The following SPN variants were observed in gnomAD, a reference collection of about 807,000 sequenced individuals.
SPN encodes the protein sialophorin.
SPN carries 6 observed loss-of-function variants against 8.4 expected under a neutral mutation model. That is an observed-to-expected ratio of 0.72 (90% CI 0.39 to 1.42). The LOEUF (loss-of-function observed/expected upper bound fraction) is 1.42. Ranked by LOEUF, SPN falls within the 40% of genes most tolerant of loss-of-function variation. The pLI is 0.02. For synonymous variants in SPN, 201 were observed against 222.6 expected (o/e 0.90, Z 0.86); for missense variants, 517 against 530.6 (o/e 0.97, Z 0.25).
Position 29,669,908 on chromosome 16 carries a change from G to T in SPN, c.*4977G>T, listed in dbSNP as rs893423447. The T allele has an allele frequency of 1.8e-5, 3 of 162,286 alleles. No individual in the cohort carries two copies. In the Admixed American group the frequency reaches 2.1e-4, roughly 11 times the overall value. 10.1% of individuals were successfully genotyped at this position (162,286 alleles called of 1,614,324 possible). A position where few individuals can be genotyped will look rare whatever the true frequency, so the allele number is the denominator to read the frequency against. ...AAAAAAGGAGATAGAGCAAGGAACA[G>T]TAAGAAAATAGTTGGGTGCAGTGGC... On this transcript the variant is annotated 3_prime_UTR_variant, in exon 2 of 2. Transcript: ENST00000652691.
chr16:29,664,531 T>TA lies in SPN; in HGVS notation c.804dup (p.Val269SerfsTer29). 6.2e-7 allele frequency: 1 copy of TA among 1,614,008 alleles called. No individual in the cohort carries two copies. The highest frequency in any genetic ancestry group is 1.3e-5 in the African/African-American group (1 of 75,064). On this transcript the variant is annotated frameshift_variant, in exon 2 of 2. Transcript: ENST00000652691. LOFTEE classifies it high-confidence loss of function. This position sits in a 1 kb window ranked among gnomAD's most constrained non-coding sequence, Gnocchi z 6.4. ...GTGCTTGTGGCCCTGCTGGCGGTCA[T>TA]AGTCCTCGTGGCTCTGCTCCTGCTG...
chr16:29,664,160 T>A lies in SPN; in HGVS notation c.432T>A (p.Ser144Arg), dbSNP rs1178662239. 6.2e-7 allele frequency: 1 copy of A among 1,613,896 alleles called. No individual in the cohort carries two copies. The highest frequency in any genetic ancestry group is 8.5e-7 in the Non-Finnish European group (1 of 1,179,964). Residue 144 changes from serine (S) to arginine (R), a missense_variant, in exon 2 of 2, where the codon AGT becomes AGA. Physicochemically the swap from Ser to Arg is moderately radical, Grantham distance 110 (BLOSUM62 -1). Transcript: ENST00000652691. The surrounding 1 kb of genome is among the most constrained non-coding windows in gnomAD (Gnocchi z 6.4). ...CAACGAACTCTCCAGAAACCTCCAG[T>A]AGGACCAGTGGAGCCCCTGTTACCA... ...TITTNSPETSSRTSGAPVTTA... is the reference protein window; with the variant it reads ...TITTNSPETSRRTSGAPVTTA...
chr16:29,666,524 T>TCACACACACACA lies in SPN; in HGVS notation c.*1611_*1622dup, dbSNP rs61534947. ...TGCGCTCTCTCTCTCTCTCTCTCTCTCACACACACACACACACACACACAC... is the reference window on the plus strand; with the variant it reads ...TGCGCTCTCTCTCTCTCTCTCTCTCTCACACACACACACACACACACACACACACACACACAC... On this transcript the variant is annotated 3_prime_UTR_variant, in exon 2 of 2. Transcript: ENST00000652691. 447 of 137,548 alleles carry TCACACACACACA rather than the reference T, an allele frequency of 3.2e-3. 5 individuals are homozygous for TCACACACACACA. The highest frequency in any genetic ancestry group is 0.013 in the African/African-American group (424 of 32,030). 8.5% of individuals were successfully genotyped at this position (137,548 alleles called of 1,614,324 possible). A position where few individuals can be genotyped will look rare whatever the true frequency, so the allele number is the denominator to read the frequency against.
Position 29,667,231 on chromosome 16 carries a change from C to T in SPN, c.*2300C>T. Reference sequence around the variant, plus strand: ...GAATGACAGAGGCCATGTCCAAAATCCCTTAGAGACACTGTTGTCTTAGAG... The same window carrying T: ...GAATGACAGAGGCCATGTCCAAAATTCCTTAGAGACACTGTTGTCTTAGAG... On this transcript the variant is annotated 3_prime_UTR_variant, in exon 2 of 2. Transcript: ENST00000652691. 2.8e-6 allele frequency: 1 copy of T among 351,240 alleles called. No homozygotes were observed. Among genetic ancestry groups the T allele is most frequent in the Non-Finnish European group, 6.0e-6 (1 of 167,562 alleles). 21.8% of individuals were successfully genotyped at this position (351,240 alleles called of 1,614,324 possible).
At position 29,663,754 on chromosome 16, in the gene SPN, G is replaced by A; in HGVS notation, c.26G>A (p.Gly9Glu). Residue 9 changes from glycine to glutamate, a missense_variant, in exon 2 of 2, where the codon GGG (glycine) becomes GAG (glutamate). Transcript: ENST00000652691. The surrounding 1 kb of genome is among the most constrained non-coding windows in gnomAD (Gnocchi z 4.3). ...ATGGCCACGCTTCTCCTTCTCCTTG[G>A]GGTGCTGGTGGTAAGCCCAGACGCT... MATLLLLL[G>E]VLVVSPDALG... The A allele has an allele frequency of 2.5e-6, 4 of 1,590,948 alleles. No homozygotes were observed. Among genetic ancestry groups the A allele is most frequent in the Non-Finnish European group, 3.4e-6 (4 of 1,169,722 alleles).
Position 29,664,789 on chromosome 16 carries a change from G to A in SPN, c.1061G>A (p.Gly354Asp), listed in dbSNP as rs750754867. The A allele has an allele frequency of 2.7e-5, 40 of 1,501,860 alleles. No individual in the cohort carries two copies. The highest frequency in any genetic ancestry group is 1.2e-4 in the East Asian group (5 of 43,102). The allele number at this position is 1,501,860 out of a possible 1,614,324, so 93.0% of individuals were successfully genotyped here. A position where few individuals can be genotyped will look rare whatever the true frequency, so the allele number is the denominator to read the frequency against. The change falls in exon 2 of 2, where the codon GGC (glycine) becomes GAC (aspartate). Residue 354 changes from glycine to aspartate, a missense_variant. Transcript: ENST00000652691. The surrounding 1 kb of genome is among the most constrained non-coding windows in gnomAD (Gnocchi z 6.4). ...TTTGGCAGACGGAAGTCTCGCCAGG[G>A]CTCCCTGGCGATGGAGGAGCTGAAG... is the stretch of plus-strand genomic sequence containing the variant. ...TFFGRRKSRQ[G>D]SLAMEELKSG... is the part of the protein sequence containing the mutation.
At position 29,666,825 on chromosome 16, in the gene SPN, GGCTACA is replaced by G; in HGVS notation, c.*1897_*1902del. On this transcript the variant is annotated 3_prime_UTR_variant, in exon 2 of 2. Coordinates refer to ENST00000652691, the MANE Select transcript of SPN (RefSeq NM_003123.6). The stretch of plus-strand genomic sequence containing the variant: ...TGGTGCTGCCTTTGAGACCAGCCCA[GGCTACA>G]GCCCAGGAGCACACATGGGCCAGGG... 1 of 456,822 alleles carries G rather than the reference GGCTACA, an allele frequency of 2.2e-6. No individual in the cohort carries two copies. The highest frequency in any genetic ancestry group is 1.6e-5 in the South Asian group (1 of 62,020). 28.3% of individuals were successfully genotyped at this position (456,822 alleles called of 1,614,324 possible). A position where few individuals can be genotyped will look rare whatever the true frequency, so the allele number is the denominator to read the frequency against.
Position 29,664,314 on chromosome 16 carries a change from A to G in SPN, c.586A>G (p.Thr196Ala). 1 of 1,612,300 alleles carries G rather than the reference A, an allele frequency of 6.2e-7. No homozygotes were observed. The highest frequency in any genetic ancestry group is 2.3e-5 in the East Asian group (1 of 44,382). ...PVTMATDSLE[T>A]STGTTGPPVT... ...TACCATGGCAACTGACTCTCTGGAG[A>G]CCTCCACTGGGACCACTGGACCCCC... The change falls in exon 2 of 2, where the codon ACC becomes GCC. Residue 196 changes from threonine to alanine, a missense_variant. Transcript: ENST00000652691. The surrounding 1 kb of genome is among the most constrained non-coding windows in gnomAD (Gnocchi z 6.4).
rs944956663 is a variant in SPN at position 29,669,524 on chromosome 16, A to C, written c.*4593A>C. 2 of 165,358 alleles carry C rather than the reference A, an allele frequency of 1.2e-5. No homozygotes were observed. Among genetic ancestry groups the C allele is most frequent in the Admixed American group, 6.6e-5 (1 of 15,082 alleles). The allele number at this position is 165,358 out of a possible 1,614,324, so 10.2% of individuals were successfully genotyped here. A position where few individuals can be genotyped will look rare whatever the true frequency, so the allele number is the denominator to read the frequency against. On this transcript the variant is annotated 3_prime_UTR_variant, in exon 2 of 2. Transcript: ENST00000652691. ...CAATAGATGTCTTTTAATTTTCTGG[A>C]GGAAAAAGCAAAGCAAAAGAAGCAG...
chr16:29,664,323 G>A lies in SPN; in HGVS notation c.595G>A (p.Gly199Arg). The A allele has an allele frequency of 6.2e-7, 1 of 1,613,352 alleles. No homozygotes were observed. Among genetic ancestry groups the A allele is most frequent in the Non-Finnish European group, 8.5e-7 (1 of 1,179,958 alleles). ...MATDSLETSTGTTGPPVTMTT... is the reference protein window; with the variant it reads ...MATDSLETSTRTTGPPVTMTT... The stretch of plus-strand genomic sequence containing the variant: ...AACTGACTCTCTGGAGACCTCCACT[G>A]GGACCACTGGACCCCCTGTTACCAT... Residue 199 changes from glycine (G) to arginine (R), a missense_variant, in exon 2 of 2, where the codon GGG (glycine) becomes AGG (arginine). By Grantham distance (125) the Gly-to-Arg change is moderately radical. Coordinates refer to ENST00000652691, the MANE Select transcript of SPN (RefSeq NM_003123.6). The surrounding 1 kb of genome is among the most constrained non-coding windows in gnomAD (Gnocchi z 6.4).
rs71918608 is a variant in SPN at position 29,666,559 on chromosome 16, C to CGCGT, written c.*1631_*1632insTGCG. Reference sequence around the variant, plus strand: ...ACACACACACACACACACACGCGCGCGCGCGCGCGCTCTCCTGCGAACAGA... The same window carrying CGCGT: ...ACACACACACACACACACACGCGCGCGCGTGCGCGCGCGCTCTCCTGCGAACAGA... On this transcript the variant is annotated 3_prime_UTR_variant, in exon 2 of 2. Coordinates refer to ENST00000652691, the MANE Select transcript of SPN (RefSeq NM_003123.6). 18 of 239,864 alleles carry CGCGT rather than the reference C, an allele frequency of 7.5e-5. No homozygotes were observed. Among genetic ancestry groups the CGCGT allele is most frequent in the South Asian group, 4.7e-4 (7 of 14,852 alleles). 14.9% of individuals were successfully genotyped at this position (239,864 alleles called of 1,614,324 possible). A position where few individuals can be genotyped will look rare whatever the true frequency, so the allele number is the denominator to read the frequency against.
In SPN at chr16:29,664,965, C is replaced by G; in HGVS notation, c.*34C>G. On this transcript the variant is annotated 3_prime_UTR_variant, in exon 2 of 2. Transcript: ENST00000652691. The surrounding 1 kb of genome is among the most constrained non-coding windows in gnomAD (Gnocchi z 6.4). ...GAATAGTGAGGCTGGAGGCCGGAAT[C>G]TCAGCCAGCCTCCAGCACCTTCCCT... 5.9e-6 allele frequency: 8 copies of G among 1,349,440 alleles called. No homozygotes were observed. The highest frequency in any genetic ancestry group is 6.7e-6 in the Non-Finnish European group (7 of 1,045,598). The allele number at this position is 1,349,440 out of a possible 1,614,324, so 83.6% of individuals were successfully genotyped here.
Position 29,663,592 on chromosome 16 carries a change from C to A in SPN, c.-34-103C>A. On this transcript the variant is annotated intron_variant, in intron 1 of 1. Transcript: ENST00000652691. The surrounding 1 kb of genome is among the most constrained non-coding windows in gnomAD (Gnocchi z 4.3). Reference sequence around the variant, plus strand: ...CAGCATGGAAAAAACCGTTAAACCGCAGGTTGGGCCTGGCCGTTGGCAGGG... The same window carrying A: ...CAGCATGGAAAAAACCGTTAAACCGAAGGTTGGGCCTGGCCGTTGGCAGGG... 8.1e-7 allele frequency: 1 copy of A among 1,233,476 alleles called. No individual in the cohort carries two copies. Among genetic ancestry groups the A allele is most frequent in the Non-Finnish European group, 1.1e-6 (1 of 896,956 alleles). 76.4% of individuals were successfully genotyped at this position (1,233,476 alleles called of 1,614,324 possible). A position where few individuals can be genotyped will look rare whatever the true frequency, so the allele number is the denominator to read the frequency against.
chr16:29,663,211 G>C (rs1026449190), upstream of SPN: 12 of 152,734 alleles, frequency 7.9e-5, no homozygotes, highest in African/African-American at 2.4e-4. The surrounding 1 kb of genome is among the most constrained non-coding windows in gnomAD (Gnocchi z 4.3). Context: ...TGGAGCCAGG[G>C]CCCACTTCCT....
Position 29,664,128 on chromosome 16 carries a change from A to G in SPN, c.400A>G (p.Thr134Ala), listed in dbSNP as rs535306560. Reference sequence around the variant, plus strand: ...AGGATCCCACACCGTGACAGGTGGAACCATAACAACGAACTCTCCAGAAAC... The same window carrying G: ...AGGATCCCACACCGTGACAGGTGGAGCCATAACAACGAACTCTCCAGAAAC... Reference protein sequence around the residue: ...SLGSHTVTGGTITTNSPETSS... With the variant: ...SLGSHTVTGGAITTNSPETSS... The change falls in exon 2 of 2, where the codon ACC becomes GCC. Residue 134 changes from threonine to alanine, a missense_variant. By Grantham distance (58) the Thr-to-Ala change is moderately conservative. Coordinates refer to ENST00000652691, the MANE Select transcript of SPN (RefSeq NM_003123.6). The surrounding 1 kb of genome is among the most constrained non-coding windows in gnomAD (Gnocchi z 6.4). 4.3e-6 allele frequency: 7 copies of G among 1,614,024 alleles called. No homozygotes were observed. Among genetic ancestry groups the G allele is most frequent in the African/African-American group, 1.3e-5 (1 of 74,986 alleles).
In SPN at chr16:29,668,879, G is replaced by A; in HGVS notation, c.*3948G>A. On this transcript the variant is annotated 3_prime_UTR_variant, in exon 2 of 2. Coordinates refer to ENST00000652691, the MANE Select transcript of SPN (RefSeq NM_003123.6). ...AAACGTGGAGCAGATCCAGCGCAGT[G>A]GCTCATGCCTGTAATCCCAGCACTT... 6.0e-6 allele frequency: 1 copy of A among 166,918 alleles called. No individual in the cohort carries two copies. 10.3% of individuals were successfully genotyped at this position (166,918 alleles called of 1,614,324 possible). A position where few individuals can be genotyped will look rare whatever the true frequency, so the allele number is the denominator to read the frequency against.
Position 29,664,991 on chromosome 16 carries a change from C to T in SPN, c.*60C>T. ...TCAGCCAGCCTCCAGCACCTTCCCTCTCACCATCCCACTGCCCCCTCGCTC... is the reference window on the plus strand; with the variant it reads ...TCAGCCAGCCTCCAGCACCTTCCCTTTCACCATCCCACTGCCCCCTCGCTC... On this transcript the variant is annotated 3_prime_UTR_variant, in exon 2 of 2. Transcript: ENST00000652691. This position sits in a 1 kb window ranked among gnomAD's most constrained non-coding sequence, Gnocchi z 6.4. 7.6e-7 allele frequency: 1 copy of T among 1,310,480 alleles called. No individual in the cohort carries two copies. 81.2% of individuals were successfully genotyped at this position (1,310,480 alleles called of 1,614,324 possible).
At position 29,668,201 on chromosome 16, in the gene SPN, A is replaced by T. The variant is rs540366844; in HGVS notation, c.*3270A>T. The T allele has an allele frequency of 6.0e-6, 1 of 166,564 alleles. No individual in the cohort carries two copies. The highest frequency in any genetic ancestry group is 2.1e-4 in the South Asian group (1 of 4,816). The allele number at this position is 166,564 out of a possible 1,614,324, so 10.3% of individuals were successfully genotyped here. On this transcript the variant is annotated 3_prime_UTR_variant, in exon 2 of 2. Coordinates refer to ENST00000652691, the MANE Select transcript of SPN (RefSeq NM_003123.6). ...TTATTTTTATTGTTTTCTACATATGAGAACCACCACACCTGGCTAATTTTT... is the reference window on the plus strand; with the variant it reads ...TTATTTTTATTGTTTTCTACATATGTGAACCACCACACCTGGCTAATTTTT...
Position 29,665,020 on chromosome 16 carries a change from T to A in SPN, c.*89T>A. On this transcript the variant is annotated 3_prime_UTR_variant, in exon 2 of 2. Coordinates refer to ENST00000652691, the MANE Select transcript of SPN (RefSeq NM_003123.6). ...CCATCCCACTGCCCCCTCGCTCCCA[T>A]GTTTCCACCCGGCACCCTGATCCTC... 8.0e-7 allele frequency: 1 copy of A among 1,255,280 alleles called. No individual in the cohort carries two copies. The highest frequency in any genetic ancestry group is 1.0e-6 in the Non-Finnish European group (1 of 988,922). 77.8% of individuals were successfully genotyped at this position (1,255,280 alleles called of 1,614,324 possible). A position where few individuals can be genotyped will look rare whatever the true frequency, so the allele number is the denominator to read the frequency against.
Sources: gnomAD v4.1 joint callset for allele counts on GRCh38, gnomAD v4.1.1 for gene constraint, Gnocchi (gnomAD v3.1) non-coding constraint, MANE v1.5 for transcripts, NCBI Gene and HGNC (gene_info 2026-07-23, HGNC 2026-07-21) for gene names.